The following PPA2 variants were observed in gnomAD, a reference collection of about 807,000 sequenced individuals.
PPA2 encodes the protein inorganic pyrophosphatase 2, mitochondrial.
A neutral mutation model predicts 49.5 loss-of-function variants in PPA2; 48 were observed. The observed-to-expected ratio is 0.97, with a 90% CI of 0.77 to 1.23. The LOEUF is 1.23. PPA2 is among the 50% of genes most tolerant of loss of function. PPA2 has a pLI of 0.00. For missense variants in PPA2, 429 were observed against 410.1 expected (o/e 1.05, Z -0.40); for synonymous variants, 131 against 139.9 (o/e 0.94, Z 0.45).
chr4:105,445,882 T>C (rs1722359663), intron 5 of PPA2, among the ~76,000 whole-genome samples: 1 of 152,094 alleles, frequency 6.6e-6, no homozygotes, highest in Non-Finnish European at 1.5e-5. Flanking sequence ...GCTCTTGTTT[T>C]CTCTGCTTTC....
intron 1 of PPA2, among the ~76,000 whole-genome samples, chr4:105,458,246 C>A (rs1722945374): frequency 6.6e-6 from 1 of 152,140 alleles, no homozygotes; most frequent in Non-Finnish European, 1.5e-5. Flanking sequence ...GTATGCTGAA[C>A]TAGATCCTGG....
At chr4:105,443,641 T>G (rs1473987796) in intron 5 of PPA2, among the ~76,000 whole-genome samples, 1 of 118,088 alleles carries the variant, frequency 8.5e-6, no homozygotes, top group Non-Finnish European at 1.9e-5. Flanking sequence ...ACACACAGAC[T>G]CTCTCTCTCT....
chr4:105,381,195 G>A (rs55758341), intron 10 of PPA2, among the ~76,000 whole-genome samples: 18,447 of 151,934 alleles, frequency 0.12, 1,177 homozygotes, highest in African/African-American at 0.15. Flanking sequence ...TTTGTGAGCC[G>A]TCTATTCATG....
intron 6 of PPA2, among the ~76,000 whole-genome samples, chr4:105,429,040 T>A (rs1723671844): frequency 6.6e-6 from 1 of 152,166 alleles, no homozygotes; most frequent in Non-Finnish European, 1.5e-5. Context: ...TTCTCCTCCA[T>A]ATTTTGCTTT....
intron 10 of PPA2, among the ~76,000 whole-genome samples, chr4:105,378,903 T>C (rs1292214783): frequency 6.6e-6 from 1 of 152,156 alleles, no homozygotes. Flanking sequence ...TCTTGATTAT[T>C]GCAGTGTTTT....
chr4:105,407,401 T>C (rs1010637974), intron 7 of PPA2, among the ~76,000 whole-genome samples: 1 of 152,190 alleles, frequency 6.6e-6, no homozygotes. Flanking sequence ...GAATACAAAA[T>C]GGTAGAGCCA....
At chr4:105,466,570 G>C (rs1300744501) in intron 1 of PPA2, among the ~76,000 whole-genome samples, 1 of 152,100 alleles carries the variant, frequency 6.6e-6, no homozygotes, top group African/African-American at 2.4e-5. Flanking sequence ...AGGGGCAGAA[G>C]GCAGAAGGAG....
chr4:105,446,727 C>T (rs1357894689), intron 4 of PPA2, among the ~76,000 whole-genome samples: 1 of 152,106 alleles, frequency 6.6e-6, no homozygotes, highest in African/African-American at 2.4e-5. Context: ...TATTTAGTCA[C>T]TCTATTATTT....
chr4:105,400,001 T>C (rs1734295549), intron 7 of PPA2, among the ~76,000 whole-genome samples: 1 of 152,156 alleles, frequency 6.6e-6, no homozygotes. Flanking sequence ...CTACCCACCA[T>C]TAGTCACTTA....
chr4:105,421,696 A>G (rs564159856), intron 7 of PPA2, among the ~76,000 whole-genome samples: 2 of 152,344 alleles, frequency 1.3e-5, no homozygotes, highest in South Asian at 4.1e-4. Flanking sequence ...TGCAGAATAT[A>G]TTAACGATAA....
At chr4:105,392,459 G>A (rs990664590) in intron 9 of PPA2, among the ~76,000 whole-genome samples, 2 of 151,914 alleles carry the variant, frequency 1.3e-5, no homozygotes, top group Admixed American at 6.6e-5. Flanking sequence ...GATCACCTGC[G>A]GTCAGGAGTT....
At chr4:105,385,214 T>C (rs1258754790) in intron 10 of PPA2, among the ~76,000 whole-genome samples, 1 of 152,212 alleles carries the variant, frequency 6.6e-6, no homozygotes, top group African/African-American at 2.4e-5. Flanking sequence ...CTGCTCATTT[T>C]TGTCATTTTT....
At chr4:105,396,572 C>CCCTAT (rs1734157446) in intron 8 of PPA2, among the ~76,000 whole-genome samples, 1 of 152,126 alleles carries the variant, frequency 6.6e-6, no homozygotes, top group Non-Finnish European at 1.5e-5. Context: ...TAGGGATAAT[C>CCCTAT]TATATCAGGG....
chr4:105,426,332 T>G (rs1723507249), intron 6 of PPA2, among the ~76,000 whole-genome samples: 1 of 152,190 alleles, frequency 6.6e-6, no homozygotes, highest in South Asian at 2.1e-4. Context: ...TGGGACTGGT[T>G]GGACAGTGGG....
chr4:105,463,653 C>T (rs985211019), intron 1 of PPA2, among the ~76,000 whole-genome samples: 6 of 152,196 alleles, frequency 3.9e-5, no homozygotes, highest in Non-Finnish European at 7.3e-5. Context: ...TTTCGCTGGG[C>T]TCAGGGTCCC....
chr4:105,453,562 A>G (rs775298422), intron 3 of PPA2, 36 bp downstream of exon 3: 2 of 1,505,234 alleles, frequency 1.3e-6, no homozygotes, highest in Admixed American at 1.9e-5. Context: ...AGACAATATA[A>G]AAGTGATTCA....
intron 1 of PPA2, among the ~76,000 whole-genome samples, chr4:105,466,737 A>G (rs6533197): frequency 0.89 from 135,046 of 152,234 alleles, 60,369 homozygotes; most frequent in African/African-American, 0.97. Context: ...TTTATATGTT[A>G]GCATACTTCC....
At position 105,369,479 on chromosome 4, in the gene PPA2, T is replaced by G. The variant is rs529841742; in HGVS notation, c.*246A>C. On this transcript the variant is annotated 3_prime_UTR_variant, in exon 12 of 12. Transcript: ENST00000341695. ...ACCTTGTGATCTGCCCACCTCGGCC[T>G]CCCAAAGTGCTGAAATTACAGGCAT... 115 of 447,046 alleles carry G rather than the reference T, an allele frequency of 2.6e-4. 2 individuals carry two copies. The South Asian group carries it at 3.4e-3, about 13-fold the overall frequency. The allele number at this position is 447,046 out of a possible 1,614,324, so 27.7% of individuals were successfully genotyped here.
At chr4:105,387,713 G>A (rs183791274) in intron 9 of PPA2, among the ~76,000 whole-genome samples, 1 of 151,992 alleles carries the variant, frequency 6.6e-6, no homozygotes, top group African/African-American at 2.4e-5. Flanking sequence ...TATAGCACAC[G>A]TTTACTTACG....
Sources: allele counts gnomAD v4.1 joint callset (sites outside exome capture counted in the v4.1 genomes callset), GRCh38; gene constraint gnomAD v4.1.1; transcripts MANE v1.5; gene names NCBI Gene and HGNC (gene_info 2026-07-23, HGNC 2026-07-21).